LRCH3: variants seen among roughly 807,000 people sequenced by gnomAD.
The protein encoded by LRCH3 is DISP complex protein LRCH3.
In LRCH3, 68 loss-of-function variants were observed where a neutral mutation model predicts 104.5. The ratio of observed to expected loss-of-function variants is 0.65; its 90% CI spans 0.54 to 0.80. LRCH3 has a LOEUF of 0.80. Ranked by LOEUF, LRCH3 falls within the 30% of genes least tolerant of loss-of-function variation. LRCH3 has a pLI of 0.00. For missense variants in LRCH3, 951 were observed against 953.9 expected, an observed-to-expected ratio of 1.00 and a Z score of 0.04; for synonymous variants, 344 against 361.3, an observed-to-expected ratio of 0.95 and a Z score of 0.54.
At chr3:197,870,806 T>C (rs567756585) in intron 18 of LRCH3, among the ~76,000 whole-genome samples, 1 of 152,328 alleles carries the variant, frequency 6.6e-6, no homozygotes, top group African/African-American at 2.4e-5. Context: ...TGAGTGCCCA[T>C]TGTGTGCCAT....
At chr3:197,874,548 A>C (rs1400876003) in intron 19 of LRCH3, among the ~76,000 whole-genome samples, 2 of 152,182 alleles carry the variant, frequency 1.3e-5, no homozygotes, top group Non-Finnish European at 2.9e-5. Flanking sequence ...TAATAATAGA[A>C]ATAAAATACA....
rs1268360967 is a variant in LRCH3 at position 197,856,033 on chromosome 3, G to T, written c.1644+1588G>T. ...CCTCTCCAGTCTCCTCTCTGGGCTT[G>T]TGCCATACCAGCATTGTTTCCAGCT... On this transcript the variant is annotated intron_variant, in intron 14 of 20. Transcript: ENST00000425562. This position sits in a 1 kb window ranked among gnomAD's most constrained non-coding sequence, Gnocchi z 4.2. Among the ~76,000 whole-genome samples, 1 of 152,180 alleles carries T rather than the reference G, an allele frequency of 6.6e-6. No homozygotes were observed. Among genetic ancestry groups the T allele is most frequent in the Non-Finnish European group, 1.5e-5 (1 of 68,038 alleles).
At chr3:197,869,979 G>A in intron 17 of LRCH3, among the ~76,000 whole-genome samples, 181 bp from the exon 18 acceptor site, 1 of 151,512 alleles carries the variant, frequency 6.6e-6, no homozygotes, top group Admixed American at 6.6e-5. Context: ...GCGATGCACT[G>A]TACCCGCAGG....
intron 1 of LRCH3, among the ~76,000 whole-genome samples, chr3:197,814,401 CG>C (rs1459688574): frequency 6.6e-6 from 1 of 152,172 alleles, no homozygotes; most frequent in African/African-American, 2.4e-5. Flanking sequence ...ATACAATTCA[CG>C]TTGAGACTTG....
At chr3:197,852,528 C>G (rs374418872) in intron 12 of LRCH3, 33 bp from the exon 13 acceptor site, 41 of 1,610,210 alleles carry the variant, frequency 2.5e-5, no homozygotes, top group Non-Finnish European at 3.2e-5. Context: ...CTCTAACCAA[C>G]TTCCTTTTTT....
At chr3:197,869,252 A>G (rs1280423434) in intron 17 of LRCH3, among the ~76,000 whole-genome samples, 7 of 147,462 alleles carry the variant, frequency 4.7e-5, no homozygotes, top group East Asian at 2.0e-4. Context: ...GTAGAAAGCG[A>G]TACACTGTAC....
At position 197,854,920 on chromosome 3, in the gene LRCH3, A is replaced by G. The variant is rs933071689; in HGVS notation, c.1644+475A>G. On this transcript the variant is annotated intron_variant, in intron 14 of 20. Transcript: ENST00000425562. The surrounding 1 kb of genome is among the most constrained non-coding windows in gnomAD (Gnocchi z 4.5). ...ACTTACAGCTCAAGATTATTCCTTC[A>G]TGTTCACTTTTTAAACCCAAGGAAA... Among the ~76,000 whole-genome samples, 10 of 152,134 alleles carry G rather than the reference A, an allele frequency of 6.6e-5. No individual in the cohort carries two copies. Among genetic ancestry groups the G allele is most frequent in the Non-Finnish European group, 1.3e-4 (9 of 68,026 alleles).
chr3:197,830,448 A>G (rs564006853), intron 6 of LRCH3, among the ~76,000 whole-genome samples: 1 of 152,330 alleles, frequency 6.6e-6, no homozygotes, highest in South Asian at 2.1e-4. Context: ...TTTACTCAAA[A>G]GAGAACCTCT....
At chr3:197,823,979 G>A (rs1296016596) in intron 4 of LRCH3, among the ~76,000 whole-genome samples, 1 of 152,042 alleles carries the variant, frequency 6.6e-6, no homozygotes, top group Non-Finnish European at 1.5e-5. Context: ...TTGTTACTCA[G>A]TGTTCACATT....
rs116823508 is a variant in LRCH3 at position 197,812,041 on chromosome 3, A to G, written c.263-2867A>G. Among the ~76,000 whole-genome samples, 365 of 152,230 alleles carry G rather than the reference A, an allele frequency of 2.4e-3. 2 individuals carry two copies. Among genetic ancestry groups the G allele is most frequent in the African/African-American group, 8.1e-3 (336 of 41,528 alleles). ...TTAAATTGTTGTGGTAAAATATGCC[A>G]TTTTATCCATTTTTAAGCATCTGTT... On this transcript the variant is annotated intron_variant, in intron 1 of 20. Coordinates refer to ENST00000425562, the MANE Select transcript of LRCH3 (RefSeq NM_001365715.1).
chr3:197,791,300 G>T lies in LRCH3; in HGVS notation c.22G>T (p.Ala8Ser), dbSNP rs764999605. The stretch of plus-strand genomic sequence containing the variant: ...GGAAATGGCGGCCGCGGGCTTGGTC[G>T]CTGTGGCAGCGGCTGCCGAGTACTC... MAAAGLV[A>S]VAAAAEYSGT... Residue 8 changes from alanine to serine, a missense_variant, in exon 1 of 21, where the codon GCT (alanine) becomes TCT (serine). Ala to Ser is a moderately conservative substitution (Grantham distance 99). Coordinates refer to ENST00000425562, the MANE Select transcript of LRCH3 (RefSeq NM_001365715.1). 5.6e-6 allele frequency: 9 copies of T among 1,608,562 alleles called. No individual in the cohort carries two copies. Among genetic ancestry groups the T allele is most frequent in the Non-Finnish European group, 7.6e-6 (9 of 1,178,700 alleles).
chr3:197,820,326 A>G lies in LRCH3; in HGVS notation c.536A>G (p.Asp179Gly), dbSNP rs1734340326. The G allele has an allele frequency of 6.2e-7, 1 of 1,600,124 alleles. No individual in the cohort carries two copies. Among genetic ancestry groups the G allele is most frequent in the Non-Finnish European group, 8.6e-7 (1 of 1,167,412 alleles). Residue 179 changes from aspartate to glycine, a missense_variant and splice_region_variant, in exon 4 of 21, where the codon GAT becomes GGT. Transcript: ENST00000425562. Reference sequence around the variant, plus strand: ...TTATTTTGTATCTTTTCGAAATAGGATGTGAGCTGCAATGAAATTCAAACT... The same window carrying G: ...TTATTTTGTATCTTTTCGAAATAGGGTGTGAGCTGCAATGAAATTCAAACT... The part of the protein sequence containing the change: ...IGHLRHLMEL[D>G]VSCNEIQTIP...
intron 8 of LRCH3, among the ~76,000 whole-genome samples, 168 bp from the exon 9 acceptor site, chr3:197,835,506 A>T (rs899080886): frequency 2.0e-5 from 3 of 152,036 alleles, no homozygotes; most frequent in Non-Finnish European, 2.9e-5. Context: ...GTAAAAAAAA[A>T]AAAAAAAAAA....
At chr3:197,839,465 T>G in intron 10 of LRCH3, 68 bp downstream of exon 10, 1 of 960,858 alleles carries the variant, frequency 1.0e-6, no homozygotes, top group East Asian at 2.6e-5. Flanking sequence ...AATTTTGGTT[T>G]TATGCAGATC....
chr3:197,844,833 A>ATG (rs1373055379), intron 10 of LRCH3, among the ~76,000 whole-genome samples: 1 of 151,710 alleles, frequency 6.6e-6, no homozygotes, highest in Non-Finnish European at 1.5e-5. Flanking sequence ...GTTGACCAGG[A>ATG]TGGCCTCTTA....
intron 4 of LRCH3, among the ~76,000 whole-genome samples, chr3:197,824,001 G>A (rs1734799819): frequency 6.6e-6 from 1 of 151,928 alleles, no homozygotes; most frequent in African/African-American, 2.4e-5. Context: ...CTGTAATTAT[G>A]TAAACATTGT....
At chr3:197,803,932 CA>C (rs1451639755) in intron 1 of LRCH3, among the ~76,000 whole-genome samples, 2 of 151,940 alleles carry the variant, frequency 1.3e-5, no homozygotes, top group Non-Finnish European at 2.9e-5. Context: ...ATGGGGCGAC[CA>C]AATTGAATAC....
intron 20 of LRCH3, chr3:197,880,440 A>G (rs1365178573): frequency 1.3e-5 from 14 of 1,119,596 alleles, no homozygotes; most frequent in Middle Eastern, 1.9e-4. Flanking sequence ...TATGAATTCT[A>G]TACTCAAATC....
rs1216095260 is a variant in LRCH3 at position 197,875,748 on chromosome 3, A to C, written c.2181A>C (p.Glu727Asp). 1 of 1,534,886 alleles carries C rather than the reference A, an allele frequency of 6.5e-7. No individual in the cohort carries two copies. Among genetic ancestry groups the C allele is most frequent in the African/African-American group, 1.4e-5 (1 of 73,148 alleles). Residue 727 changes from glutamate to aspartate, a missense_variant, in exon 20 of 21, where the codon GAA (glutamate) becomes GAC (aspartate). Transcript: ENST00000425562. ...KCRRNVENFL[E>D]ACRKIGVPQE... Reference sequence around the variant, plus strand: ...GGCGAAATGTGGAAAATTTCCTAGAAGCTTGCAGAAAAATTGGTGTACCTC... The same window carrying C: ...GGCGAAATGTGGAAAATTTCCTAGACGCTTGCAGAAAAATTGGTGTACCTC...
Sources: allele counts gnomAD v4.1 joint callset (sites outside exome capture counted in the v4.1 genomes callset), GRCh38; gene constraint gnomAD v4.1.1; non-coding constraint Gnocchi (gnomAD v3.1); transcripts MANE v1.5; gene names NCBI Gene and HGNC (gene_info 2026-07-23, HGNC 2026-07-21).